Variants in ARID1B observed in about 807,000 individuals in gnomAD.
ARID1B encodes AT-rich interactive domain-containing protein 1B.
Under a neutral mutation model 212.3 loss-of-function variants are expected in ARID1B, and 30 were observed. The observed-to-expected ratio is 0.14, with a 90% CI of 0.11 to 0.19. ARID1B has a LOEUF of 0.19. Among genes scored for constraint, ARID1B ranks in the 10% least tolerant of loss-of-function variants. The pLI is 1.00. For synonymous variants in ARID1B, 1,402 were observed against 1,301.7 expected (o/e 1.08, Z -1.66); for missense variants, 2,891 against 3,204.0 (o/e 0.90, Z 2.36).
At chr6:156,904,088 C>T (rs1018292014) in intron 3 of ARID1B, among the ~76,000 whole-genome samples, 2 of 152,196 alleles carry the variant, frequency 1.3e-5, no homozygotes, top group Non-Finnish European at 2.9e-5. Flanking sequence ...CTGCCCATGT[C>T]ACCACCCCCG....
At chr6:157,104,835 A>G (rs1304018790) in intron 5 of ARID1B, among the ~76,000 whole-genome samples, 1 of 152,202 alleles carries the variant, frequency 6.6e-6, no homozygotes, top group African/African-American at 2.4e-5. Flanking sequence ...CTGTGAAAAT[A>G]TTAGTGAGCT....
chr6:157,035,016 A>G (rs1781236452), intron 4 of ARID1B, among the ~76,000 whole-genome samples: 1 of 152,164 alleles, frequency 6.6e-6, no homozygotes, highest in Non-Finnish European at 1.5e-5. Context: ...CCCTCCTCCC[A>G]CCCACAAGGT....
Position 156,779,457 on chromosome 6 carries a change from A to T in ARID1B, c.1777A>T (p.Met593Leu). Reference sequence around the variant, plus strand: ...GAGCCCCGGCACCCCCGGACCGACCATGGGCAGATCCCAGGTAACCCTCGC... The same window carrying T: ...GAGCCCCGGCACCCCCGGACCGACCTTGGGCAGATCCCAGGTAACCCTCGC... ...AMSPGTPGPT[M>L]GRSQGSPMDP... The change falls in exon 1 of 20, where the codon ATG becomes TTG. Residue 593 changes from methionine (M) to leucine (L), a missense_variant. By Grantham distance (15) the Met-to-Leu change is conservative. Around this residue, in one of 7 missense-constraint regions of ARID1B, gnomAD observed 1,643 missense variants for 1,544.0 expected, o/e 1.06. Transcript: ENST00000636930. 1 of 1,425,768 alleles carries T rather than the reference A, an allele frequency of 7.0e-7. No individual in the cohort carries two copies. Among genetic ancestry groups the T allele is most frequent in the Non-Finnish European group, 9.2e-7 (1 of 1,083,298 alleles). The allele number at this position is 1,425,768 out of a possible 1,614,324, so 88.3% of individuals were successfully genotyped here.
rs779643643 is a variant in ARID1B at position 156,976,774 on chromosome 6, G to A, written c.2247+41198G>A. The A allele has an allele frequency of 6.8e-5, 37 of 540,598 alleles. 2 individuals carry two copies. Among genetic ancestry groups the A allele is most frequent in the South Asian group, 3.8e-4 (27 of 71,046 alleles). 33.5% of individuals were successfully genotyped at this position (540,598 alleles called of 1,614,324 possible). ...CGCAGCTTCATTCATCAAAGTTAGC[G>A]AGACCACAAACCCATCGGCAGGAAA... On this transcript the variant is annotated intron_variant, in intron 4 of 19. Transcript: ENST00000636930.
intron 3 of ARID1B, among the ~76,000 whole-genome samples, chr6:156,925,661 G>A (rs1282807413): frequency 6.6e-6 from 1 of 151,960 alleles, no homozygotes; most frequent in African/African-American, 2.4e-5. Flanking sequence ...GCTTCTAATT[G>A]GCCTCTGGGA....
At chr6:156,975,613 C>CTTTTTTTTTTTTTTTTTTTTTT (rs367797338) in intron 4 of ARID1B, among the ~76,000 whole-genome samples, 3 of 110,852 alleles carry the variant, frequency 2.7e-5, no homozygotes, top group East Asian at 2.6e-4. Context: ...TTTTTTTTTT[C>CTTTTTTTTTTTTTTTTTTTTTT]TTTTTTTTTT....
chr6:156,863,997 C>A (rs1307654682), intron 2 of ARID1B, among the ~76,000 whole-genome samples: 1 of 152,128 alleles, frequency 6.6e-6, no homozygotes, highest in Non-Finnish European at 1.5e-5. Flanking sequence ...CAAAATTGTT[C>A]TTTGAAATAA....
intron 9 of ARID1B, chr6:157,168,657 C>T (rs1791500547): frequency 6.6e-6 from 1 of 152,186 alleles, no homozygotes; most frequent in Non-Finnish European, 1.5e-5. Flanking sequence ...AGCAGATGGC[C>T]CAGTGCCCTG....
intron 9 of ARID1B, chr6:157,168,402 A>C (rs1411450195): frequency 6.6e-6 from 1 of 152,178 alleles, no homozygotes; most frequent in East Asian, 1.9e-4. Context: ...TTTACATTCG[A>C]GATGAAAGTG....
At chr6:157,176,261 T>C (rs1792095566) in intron 11 of ARID1B, among the ~76,000 whole-genome samples, 2 of 152,172 alleles carry the variant, frequency 1.3e-5, no homozygotes, top group South Asian at 2.1e-4. Context: ...TAGCAGACAG[T>C]GCGCTTCTAG....
At chr6:156,938,166 A>G (rs921859976) in intron 4 of ARID1B, 9 of 151,280 alleles carry the variant, frequency 5.9e-5, no homozygotes, top group African/African-American at 1.9e-4. Context: ...AACTTTCTGT[A>G]TGGGGCTTAC....
At chr6:157,083,859 C>G (rs767758417) in intron 4 of ARID1B, among the ~76,000 whole-genome samples, 4 of 152,182 alleles carry the variant, frequency 2.6e-5, no homozygotes, top group Non-Finnish European at 4.4e-5. Context: ...CTCGGCCAGG[C>G]ACAGTGGCTC....
intron 1 of ARID1B, among the ~76,000 whole-genome samples, chr6:156,809,072 A>G (rs889796165): frequency 1.3e-5 from 2 of 152,246 alleles, no homozygotes; most frequent in Non-Finnish European, 2.9e-5. Context: ...TAAAACATCA[A>G]TAACCTAATT....
chr6:157,121,344 T>C (rs555234842), intron 6 of ARID1B, among the ~76,000 whole-genome samples: 6 of 152,194 alleles, frequency 3.9e-5, no homozygotes, highest in Non-Finnish European at 8.8e-5. Flanking sequence ...TACCCCCAAA[T>C]ATGCTTTAAG....
intron 4 of ARID1B, among the ~76,000 whole-genome samples, chr6:156,993,876 CTT>C (rs1778421278): frequency 6.6e-6 from 1 of 152,162 alleles, no homozygotes; most frequent in Admixed American, 6.5e-5. Flanking sequence ...AAGTTTATCT[CTT>C]CGTAAAATAT....
rs1001204686 is a variant in ARID1B, at chr6:157,116,100, C to T, written c.2581+5539C>T. Among the ~76,000 whole-genome samples, 5 of 152,046 alleles carry T rather than the reference C, an allele frequency of 3.3e-5. No individual in the cohort carries two copies. The East Asian group carries it at 5.8e-4, about 18-fold the overall frequency. ...GAAATTCAAAAAGAAAAATAGGAAA[C>T]GGCTTATTAATAGGTTGTCCTCTTA... On this transcript the variant is annotated intron_variant, in intron 6 of 19. Transcript: ENST00000636930.
chr6:156,905,250 G>GCACA (rs138326649), intron 3 of ARID1B, among the ~76,000 whole-genome samples: 5,017 of 143,794 alleles, frequency 0.035, 100 homozygotes, highest in African/African-American at 0.052. Context: ...ACATATGCAC[G>GCACA]CACACACACA....
intron 4 of ARID1B, among the ~76,000 whole-genome samples, chr6:156,966,863 G>A (rs1165411153): frequency 1.3e-5 from 2 of 151,602 alleles, no homozygotes; most frequent in Non-Finnish European, 2.9e-5. Context: ...ACCATGCTTG[G>A]CTAATTTTAT....
chr6:156,887,227 C>T (rs1056168750), intron 2 of ARID1B, among the ~76,000 whole-genome samples: 48 of 152,148 alleles, frequency 3.2e-4, no homozygotes, highest in African/African-American at 1.0e-3. Flanking sequence ...AGCCTCCTCT[C>T]GGGAGAGCAG....
Sources: allele counts gnomAD v4.1 joint callset (sites outside exome capture counted in the v4.1 genomes callset), GRCh38; gene constraint gnomAD v4.1.1; regional missense constraint gnomAD v4.1.1; transcripts MANE v1.5; gene names NCBI Gene and HGNC (gene_info 2026-07-23, HGNC 2026-07-21).